EFCAB6: variants seen among roughly 807,000 people sequenced by gnomAD.
EFCAB6 encodes the protein EF-hand calcium-binding domain-containing protein 6.
Under a neutral mutation model 169.8 loss-of-function variants are expected in EFCAB6, and 156 were observed. The observed-to-expected ratio is 0.92, with a 90% CI of 0.81 to 1.05. EFCAB6 has a LOEUF of 1.05. Ranked by LOEUF, EFCAB6 falls within the 50% of genes least tolerant of loss-of-function variation. The pLI is 0.00. For synonymous variants in EFCAB6, 698 were observed against 676.4 expected (o/e 1.03, Z -0.50); for missense variants, 1,800 against 1,829.1 (o/e 0.98, Z 0.29).
intron 26 of EFCAB6, among the ~76,000 whole-genome samples, chr22:43,573,595 G>T (rs1482396072): frequency 6.6e-6 from 1 of 152,108 alleles, no homozygotes; most frequent in African/African-American, 2.4e-5. Flanking sequence ...GCCCGGCATG[G>T]TGGTGCACAC....
intron 25 of EFCAB6, among the ~76,000 whole-genome samples, chr22:43,580,061 T>A (rs533025393): frequency 6.6e-6 from 1 of 152,282 alleles, no homozygotes; most frequent in Non-Finnish European, 1.5e-5. Context: ...CTGGAGGACT[T>A]CACAATGAAG....
At chr22:43,775,791 G>A (rs1454194852) in intron 3 of EFCAB6, among the ~76,000 whole-genome samples, 1 of 152,212 alleles carries the variant, frequency 6.6e-6, no homozygotes, top group African/African-American at 2.4e-5. Context: ...ACTTGGCTGT[G>A]AGGAGGCCAA....
intron 7 of EFCAB6, among the ~76,000 whole-genome samples, chr22:43,735,613 G>A (rs2060106026): frequency 6.6e-6 from 1 of 152,136 alleles, no homozygotes; most frequent in Admixed American, 6.5e-5. Flanking sequence ...CAGAGCTGCG[G>A]GCCAGAGGAC....
At chr22:43,807,596 A>C (rs1229905299) in intron 2 of EFCAB6, among the ~76,000 whole-genome samples, 1 of 152,246 alleles carries the variant, frequency 6.6e-6, no homozygotes, top group East Asian at 1.9e-4. Flanking sequence ...CAGAGAAAAC[A>C]TAATTCAACA....
At chr22:43,780,701 C>T (rs1372583102) in intron 3 of EFCAB6, among the ~76,000 whole-genome samples, 2 of 152,074 alleles carry the variant, frequency 1.3e-5, no homozygotes, top group Non-Finnish European at 2.9e-5. Flanking sequence ...ATCCACTCTC[C>T]TCTTTCTCCT....
intron 10 of EFCAB6, among the ~76,000 whole-genome samples, chr22:43,700,989 TAATAAAAGATA>T (rs2058746292): frequency 6.6e-6 from 1 of 152,202 alleles, no homozygotes; most frequent in African/African-American, 2.4e-5. Flanking sequence ...ATATGAAATT[TAATAAAAGATA>T]AATAAAAGAG....
intron 8 of EFCAB6, among the ~76,000 whole-genome samples, chr22:43,729,655 A>C (rs1383428096): frequency 6.6e-6 from 1 of 152,214 alleles, no homozygotes; most frequent in Admixed American, 6.5e-5. Flanking sequence ...ATACAAAATT[A>C]CTTTACAGAA....
intron 6 of EFCAB6, among the ~76,000 whole-genome samples, chr22:43,742,155 C>A (rs1360686061): frequency 1.3e-5 from 2 of 152,060 alleles, no homozygotes; most frequent in African/African-American, 2.4e-5. Context: ...CTGCCCACCA[C>A]CTGATTTCGT....
At chr22:43,576,272 G>C (rs372960679) in intron 26 of EFCAB6, 25 bp downstream of exon 26, 2 of 1,549,486 alleles carry the variant, frequency 1.3e-6, no homozygotes, top group Non-Finnish European at 1.7e-6. Flanking sequence ...TCAAAGAGAT[G>C]CTTATGTGCT....
intron 2 of EFCAB6, among the ~76,000 whole-genome samples, chr22:43,801,414 C>A (rs1424710963): frequency 6.6e-6 from 1 of 152,080 alleles, no homozygotes; most frequent in Admixed American, 6.6e-5. Context: ...AAATTAAGTA[C>A]ACAGACAAAC....
chr22:43,743,644 G>A (rs560235308), intron 6 of EFCAB6, among the ~76,000 whole-genome samples: 1 of 152,314 alleles, frequency 6.6e-6, no homozygotes, highest in South Asian at 2.1e-4. Flanking sequence ...TGGGATCAAA[G>A]GCTAAGAATA....
intron 25 of EFCAB6, among the ~76,000 whole-genome samples, chr22:43,578,262 G>A (rs2050391536): frequency 6.6e-6 from 1 of 152,140 alleles, no homozygotes; most frequent in Non-Finnish European, 1.5e-5. Context: ...TGATCAAAGA[G>A]AAAAAGACTC....
At chr22:43,686,242 C>T (rs908411186) in intron 11 of EFCAB6, among the ~76,000 whole-genome samples, 3 of 152,104 alleles carry the variant, frequency 2.0e-5, no homozygotes, top group Non-Finnish European at 2.9e-5. Context: ...AGCCTCCCAA[C>T]GTGCTGGGAT....
At chr22:43,756,722 A>G (rs2060971211) in intron 5 of EFCAB6, among the ~76,000 whole-genome samples, 1 of 152,202 alleles carries the variant, frequency 6.6e-6, no homozygotes, top group African/African-American at 2.4e-5. Flanking sequence ...GAACATAAAG[A>G]TGGGCAGGGA....
At chr22:43,782,386 A>C in intron 2 of EFCAB6, 61 bp from the exon 3 acceptor site, 1 of 1,465,252 alleles carries the variant, frequency 6.8e-7, no homozygotes, top group Non-Finnish European at 9.4e-7. Context: ...AAATGTGGCC[A>C]ATTTCCTATC....
chr22:43,600,431 G>A (rs2052417907), intron 22 of EFCAB6, among the ~76,000 whole-genome samples, 168 bp from the exon 23 acceptor site: 1 of 152,116 alleles, frequency 6.6e-6, no homozygotes, highest in Non-Finnish European at 1.5e-5. Context: ...TGGCAGAGCT[G>A]GAAATGCGTG....
intron 23 of EFCAB6, 40 bp from the exon 24 acceptor site, chr22:43,590,269 A>G: frequency 6.3e-7 from 1 of 1,592,044 alleles, no homozygotes; most frequent in Non-Finnish European, 8.6e-7. Context: ...TAAAATCAGG[A>G]AAACAAATAA....
At chr22:43,730,788 C>G (rs2059921623) in intron 8 of EFCAB6, among the ~76,000 whole-genome samples, 2 of 152,180 alleles carry the variant, frequency 1.3e-5, no homozygotes, top group Admixed American at 1.3e-4. Context: ...ACGCTTTGCA[C>G]AGCTCCTGGC....
At chr22:43,722,466 G>A (rs576237524) in intron 8 of EFCAB6, among the ~76,000 whole-genome samples, 1 of 151,982 alleles carries the variant, frequency 6.6e-6, no homozygotes, top group Admixed American at 6.6e-5. Flanking sequence ...AAGAGGCAGA[G>A]GTTGCAGTGA....
Sources: gnomAD v4.1 joint callset for allele counts (sites outside exome capture counted in the v4.1 genomes callset) on GRCh38, gnomAD v4.1.1 for gene constraint, MANE v1.5 for transcripts, NCBI Gene and HGNC (gene_info 2026-07-23, HGNC 2026-07-21) for gene names.